LYSMD2: variants seen among roughly 807,000 people sequenced by gnomAD.
LYSMD2 encodes the protein LysM domain containing 2.
LYSMD2 carries 6 observed loss-of-function variants against 17.7 expected under a neutral mutation model. That is an observed-to-expected ratio of 0.34 (90% CI 0.19 to 0.67). The LOEUF (loss-of-function observed/expected upper bound fraction) is 0.67, where lower values mean the gene tolerates loss of function less well. Ranked by LOEUF, LYSMD2 falls within the 30% of genes least tolerant of loss-of-function variation. The probability of loss-of-function intolerance (pLI) is 0.69; values close to 1 mark genes in which losing one functional copy is unlikely to be tolerated. For missense variants in LYSMD2, 237 were observed against 286.7 expected, an observed-to-expected ratio of 0.83 and a Z score of 1.25; for synonymous variants, 102 against 129.8, an observed-to-expected ratio of 0.79 and a Z score of 1.45.
intron 1 of LYSMD2, among the ~76,000 whole-genome samples, chr15:51,728,590 C>T (rs1244885203): frequency 2.0e-5 from 3 of 152,034 alleles, no homozygotes; most frequent in South Asian, 2.1e-4. Context: ...TGTTTCTCAG[C>T]GGGACACTGT....
chr15:51,742,917 G>T (rs1052478854), intron 1 of LYSMD2, among the ~76,000 whole-genome samples: 1 of 152,142 alleles, frequency 6.6e-6, no homozygotes, highest in Non-Finnish European at 1.5e-5. Flanking sequence ...AGCCATGATC[G>T]CCCCACTGCA....
At chr15:51,739,951 G>GT (rs2055634758), upstream of LYSMD2, among the ~76,000 whole-genome samples, 1 of 151,878 alleles carries the variant, frequency 6.6e-6, no homozygotes, top group South Asian at 2.1e-4. Context: ...TGGCTTTGGG[G>GT]TTTTCTTTGT....
chr15:51,749,535 C>T (rs928905721), intron 1 of LYSMD2, among the ~76,000 whole-genome samples: 14 of 152,206 alleles, frequency 9.2e-5, no homozygotes, highest in Non-Finnish European at 2.9e-5. Context: ...AAGGAATACT[C>T]TATTCGTTTT....
chr15:51,727,709 C>G (rs925966090), intron 1 of LYSMD2, among the ~76,000 whole-genome samples: 2 of 152,160 alleles, frequency 1.3e-5, no homozygotes, highest in Non-Finnish European at 2.9e-5. Flanking sequence ...GGGCTAGGCT[C>G]CCCCTGGCTT....
intron 1 of LYSMD2, among the ~76,000 whole-genome samples, chr15:51,735,959 G>A (rs539332160): frequency 6.6e-6 from 1 of 152,288 alleles, no homozygotes; most frequent in East Asian, 1.9e-4. Flanking sequence ...GAGAGCTCCT[G>A]ATAAGACTAA....
chr15:51,745,658 C>T (rs1365954801), intron 1 of LYSMD2, among the ~76,000 whole-genome samples: 2 of 51,072 alleles, frequency 3.9e-5, no homozygotes, highest in East Asian at 4.6e-4. Context: ...ACACACACCA[C>T]ACACACACAC....
rs2055619462 is a variant in LYSMD2, at chr15:51,737,561, G to A, written c.62C>T (p.Ser21Leu). 8.2e-7 allele frequency: 1 copy of A among 1,221,704 alleles called. No homozygotes were observed. Among genetic ancestry groups the A allele is most frequent in the Non-Finnish European group, 1.0e-6 (1 of 983,622 alleles). The allele number at this position is 1,221,704 out of a possible 1,614,324, so 75.7% of individuals were successfully genotyped here. A position where few individuals can be genotyped will look rare whatever the true frequency, so the allele number is the denominator to read the frequency against. Residue 21 changes from serine (S) to leucine (L), a missense_variant, in exon 1 of 3, where the codon TCG becomes TTG. Transcript: ENST00000267838. The surrounding 1 kb of genome is among the most constrained non-coding windows in gnomAD (Gnocchi z 4.2). ...REGGPRAPRP[S>L]APSPPPRSRS... is the part of the protein sequence containing the mutation. Reference sequence around the variant, plus strand: ...CGAGCGCGGCGGCGGCGAGGGGGCCGAGGGCCGCGGCGCGCGGGGGCCGCC... The same window carrying A: ...CGAGCGCGGCGGCGGCGAGGGGGCCAAGGGCCGCGGCGCGCGGGGGCCGCC...
intron 1 of LYSMD2, among the ~76,000 whole-genome samples, chr15:51,732,740 A>G (rs968132587): frequency 4.6e-5 from 7 of 152,064 alleles, no homozygotes; most frequent in Non-Finnish European, 7.4e-5. Flanking sequence ...ACAGTAAACA[A>G]ACAAGCAGAA....
chr15:51,750,319 A>G (rs753590789), intron 1 of LYSMD2, among the ~76,000 whole-genome samples: 9 of 152,270 alleles, frequency 5.9e-5, no homozygotes, highest in Non-Finnish European at 1.3e-4. Flanking sequence ...TATCATTTTC[A>G]GATGTGGAAT....
At chr15:51,735,798 G>C (rs1402839368) in intron 1 of LYSMD2, among the ~76,000 whole-genome samples, 1 of 152,216 alleles carries the variant, frequency 6.6e-6, no homozygotes, top group Non-Finnish European at 1.5e-5. Context: ...AGACGGCTGT[G>C]GGTCACAGAG....
chr15:51,737,893 G>C (rs2055623057), upstream of LYSMD2: 2 of 251,236 alleles, frequency 8.0e-6, no homozygotes, highest in African/African-American at 4.5e-5. The surrounding 1 kb of genome is among the most constrained non-coding windows in gnomAD (Gnocchi z 4.2). Context: ...GTACCGGGAA[G>C]ACCCTGCAGA....
intron 1 of LYSMD2, among the ~76,000 whole-genome samples, chr15:51,731,100 T>C (rs140155788): frequency 2.6e-5 from 4 of 152,334 alleles, no homozygotes; most frequent in Non-Finnish European, 5.9e-5. Context: ...GTGAGAGGAA[T>C]GGATGGGCAT....
Position 51,737,260 on chromosome 15 carries a change from AGT to A in LYSMD2, c.273+88_273+89del. On this transcript the variant is annotated intron_variant, in intron 1 of 2. Transcript: ENST00000267838. This position sits in a 1 kb window ranked among gnomAD's most constrained non-coding sequence, Gnocchi z 4.2. The stretch of plus-strand genomic sequence containing the variant: ...CCCCATCCCCCAAACCCCCACCCGC[AGT>A]CCCACCCCCACCCCCACCGCACCCC... The A allele has an allele frequency of 1.3e-5, 1 of 75,308 alleles. No individual in the cohort carries two copies. The allele number at this position is 75,308 out of a possible 1,614,324, so 4.7% of individuals were successfully genotyped here.
Position 51,737,445 on chromosome 15 carries a change from C to T in LYSMD2, c.178G>A (p.Ala60Thr). The T allele has an allele frequency of 1.4e-6, 2 of 1,430,876 alleles. No individual in the cohort carries two copies. The highest frequency in any genetic ancestry group is 1.8e-6 in the Non-Finnish European group (2 of 1,095,800). 88.6% of individuals were successfully genotyped at this position (1,430,876 alleles called of 1,614,324 possible). ...TCGATGACGCCGGCGCCCAGCGGCG[C>T]CCGCACGCTGGCGGTGCTGCCGTAC... ...RSYGSTASVR[A>T]PLGAGVIERH... Residue 60 changes from alanine (A) to threonine (T), a missense_variant, in exon 1 of 3, where the codon GCG (alanine) becomes ACG (threonine). Transcript: ENST00000267838. This position sits in a 1 kb window ranked among gnomAD's most constrained non-coding sequence, Gnocchi z 4.2.
In LYSMD2 at chr15:51,724,914, G is replaced by C. The variant is rs1399909936; in HGVS notation, c.481C>G (p.Pro161Ala). The stretch of plus-strand genomic sequence containing the variant: ...ACAGGCTGAACATCAGATTCTTGAG[G>C]ACTGGGAGGAGGGAGGTCTTCCCCG... ...VAGEDLPPPS[P>A]QESDVQPVQP... is the part of the protein sequence containing the mutation. Residue 161 changes from proline to alanine, a missense_variant, in exon 2 of 3, where the codon CCT becomes GCT. Physicochemically the swap from Pro to Ala is conservative, Grantham distance 27. Coordinates refer to ENST00000267838, the MANE Select transcript of LYSMD2 (RefSeq NM_153374.3). 2 of 1,614,126 alleles carry C rather than the reference G, an allele frequency of 1.2e-6. No homozygotes were observed. Among genetic ancestry groups the C allele is most frequent in the Non-Finnish European group, 1.7e-6 (2 of 1,179,992 alleles).
At chr15:51,738,368 C>T (rs1324987850), upstream of LYSMD2, among the ~76,000 whole-genome samples, 1 of 152,108 alleles carries the variant, frequency 6.6e-6, no homozygotes, top group Non-Finnish European at 1.5e-5. Flanking sequence ...TCCTGGCTGC[C>T]TCGAAAGGCT....
chr15:51,726,877 G>A (rs931964441), intron 1 of LYSMD2, among the ~76,000 whole-genome samples: 1 of 152,244 alleles, frequency 6.6e-6, no homozygotes, highest in African/African-American at 2.4e-5. Flanking sequence ...AATAGTCATT[G>A]CTTCCTGGGA....
intron 1 of LYSMD2, among the ~76,000 whole-genome samples, chr15:51,734,722 C>T (rs993565481): frequency 9.2e-5 from 14 of 152,212 alleles, no homozygotes; most frequent in African/African-American, 3.4e-4. Context: ...TCATTTTCGA[C>T]CTTTTAAAAC....
At chr15:51,743,214 C>T (rs1422564459) in intron 1 of LYSMD2, among the ~76,000 whole-genome samples, 2 of 152,094 alleles carry the variant, frequency 1.3e-5, no homozygotes, top group Non-Finnish European at 2.9e-5. Context: ...GGAGTCAAAC[C>T]ATCTTCCCAC....
Sources: gnomAD v4.1 joint callset for allele counts (sites outside exome capture counted in the v4.1 genomes callset) on GRCh38, gnomAD v4.1.1 for gene constraint, Gnocchi (gnomAD v3.1) non-coding constraint, MANE v1.5 for transcripts, NCBI Gene and HGNC (gene_info 2026-07-23, HGNC 2026-07-21) for gene names.